The following FLNB variants were observed in gnomAD, a reference collection of about 807,000 sequenced individuals.
The protein encoded by FLNB is filamin-B.
FLNB carries 111 observed loss-of-function variants against 250.6 expected under a neutral mutation model. That is an observed-to-expected ratio of 0.44 (90% CI 0.38 to 0.52). The LOEUF (loss-of-function observed/expected upper bound fraction) is 0.52. Ranked by LOEUF, FLNB falls within the 20% of genes least tolerant of loss-of-function variation. FLNB has a pLI of 0.00. For synonymous variants in FLNB, 1,302 were observed against 1,372.1 expected, an observed-to-expected ratio of 0.95 and a Z score of 1.13; for missense variants, 2,869 against 3,447.8, an observed-to-expected ratio of 0.83 and a Z score of 4.20.
At position 58,111,856 on chromosome 3, in the gene FLNB, A is replaced by C. The variant is rs1298008272; in HGVS notation, c.2550A>C (p.Ala850=). 5 of 1,614,174 alleles carry C rather than the reference A, an allele frequency of 3.1e-6. No homozygotes were observed. The highest frequency in any genetic ancestry group is 4.2e-6 in the Non-Finnish European group (5 of 1,179,984). Reference sequence around the variant, plus strand: ...CCCACGATGCCAGCAAAGTGAAGGCAGAAGGCCCAGGGCTCAGCAAAGCAG... The same window carrying C: ...CCCACGATGCCAGCAAAGTGAAGGCCGAAGGCCCAGGGCTCAGCAAAGCAG... ...DPSHDASKVK[A]EGPGLSKAGV... is the part of the protein sequence containing the mutation. The change falls in exon 17 of 46, where the codon GCA becomes GCC. Residue 850 remains alanine, a synonymous_variant. Coordinates refer to ENST00000295956, the MANE Select transcript of FLNB (RefSeq NM_001457.4).
In FLNB at chr3:58,142,498, C is replaced by T. The variant is rs145155327; in HGVS notation, c.5182-152C>T. On this transcript the variant is annotated intron_variant, in intron 30 of 45. Coordinates refer to ENST00000295956, the MANE Select transcript of FLNB (RefSeq NM_001457.4). This position sits in a 1 kb window ranked among gnomAD's most constrained non-coding sequence, Gnocchi z 4.3. The stretch of plus-strand genomic sequence containing the variant: ...TCAGGTTCTACCCTGGGTCTGGAGC[C>T]ACTTAGACAAAGCCCATACCACAAT... The T allele has an allele frequency of 5.0e-5, 35 of 700,944 alleles. No homozygotes were observed. In the African/African-American group the frequency reaches 6.0e-4, roughly 12 times the overall value. The allele number at this position is 700,944 out of a possible 1,614,324, so 43.4% of individuals were successfully genotyped here.
intron 43 of FLNB, among the ~76,000 whole-genome samples, chr3:58,166,360 C>A (rs1020177180): frequency 1.8e-4 from 27 of 151,502 alleles, no homozygotes; most frequent in African/African-American, 6.6e-4. Flanking sequence ...AAGGCCAAGG[C>A]AGAAAGATTG....
At chr3:58,126,470 T>C in intron 23 of FLNB, 132 bp from the exon 24 acceptor site, 1 of 759,702 alleles carries the variant, frequency 1.3e-6, no homozygotes, top group Non-Finnish European at 2.3e-6. Flanking sequence ...ATTCCCTATG[T>C]GAGAGGTGTA....
intron 1 of FLNB, among the ~76,000 whole-genome samples, chr3:58,037,043 A>T: frequency 6.8e-6 from 1 of 146,254 alleles, no homozygotes; most frequent in Non-Finnish European, 1.5e-5. Context: ...CTGGGCCCAG[A>T]CTTGACATTA....
intron 32 of FLNB, among the ~76,000 whole-genome samples, chr3:58,144,044 C>T (rs2097331753): frequency 6.6e-6 from 1 of 152,140 alleles, no homozygotes; most frequent in Admixed American, 6.5e-5. Context: ...GGAAGCCAGC[C>T]CAGGTTTCAT....
intron 4 of FLNB, among the ~76,000 whole-genome samples, chr3:58,085,876 G>A (rs1234517294): frequency 6.6e-6 from 1 of 152,174 alleles, no homozygotes; most frequent in Non-Finnish European, 1.5e-5. Context: ...TTAGCCACGG[G>A]TGACCAACCC....
intron 1 of FLNB, among the ~76,000 whole-genome samples, chr3:58,051,685 G>GTT (rs761191400): frequency 0.44 from 65,835 of 149,068 alleles, 15,279 homozygotes; most frequent in African/African-American, 0.6. Context: ...GTTTTTTTGG[G>GTT]TTTTTTTTTT....
chr3:58,168,486 G>T lies in FLNB; in HGVS notation c.7245G>T (p.Gly2415=). Residue 2415 remains glycine (G), a synonymous_variant, in exon 44 of 46, where the codon GGG becomes GGT. Coordinates refer to ENST00000295956, the MANE Select transcript of FLNB (RefSeq NM_001457.4). ...TTAACACCACCCGAGCAGGTCCAGGGACATTATCCGTCACCATCGAAGGCC... is the reference window on the plus strand; with the variant it reads ...TTAACACCACCCGAGCAGGTCCAGGTACATTATCCGTCACCATCGAAGGCC... ...FFINTTRAGP[G]TLSVTIEGPS... 6.2e-7 allele frequency: 1 copy of T among 1,614,224 alleles called. No individual in the cohort carries two copies. The highest frequency in any genetic ancestry group is 2.2e-5 in the East Asian group (1 of 44,892).
At chr3:58,039,108 G>A (rs892896451) in intron 1 of FLNB, among the ~76,000 whole-genome samples, 1 of 149,108 alleles carries the variant, frequency 6.7e-6, no homozygotes. Context: ...GCTCACTGCA[G>A]CCTTGACCAC....
intron 1 of FLNB, among the ~76,000 whole-genome samples, chr3:58,053,672 C>A (rs1005928777): frequency 6.6e-6 from 1 of 152,030 alleles, no homozygotes; most frequent in Admixed American, 6.6e-5. Context: ...CTGTGTTAGT[C>A]AGGATGGTCT....
Position 58,138,367 on chromosome 3 carries a change from C to G in FLNB, c.4947C>G (p.Thr1649=). The G allele has an allele frequency of 6.2e-7, 1 of 1,614,236 alleles. No individual in the cohort carries two copies. The highest frequency in any genetic ancestry group is 1.1e-5 in the South Asian group (1 of 91,086). ...AGACTGCCGGGAAGGGTAAAGTGAC[C>G]TGCACGGTTCTGACCCCAGATGGCA... ...DAKTAGKGKV[T]CTVLTPDGTE... Residue 1649 remains threonine (T), a synonymous_variant, in exon 29 of 46, where the codon ACC becomes ACG. Coordinates refer to ENST00000295956, the MANE Select transcript of FLNB (RefSeq NM_001457.4).
chr3:58,095,731 A>C (rs1017988743), intron 5 of FLNB, among the ~76,000 whole-genome samples: 1 of 152,186 alleles, frequency 6.6e-6, no homozygotes, highest in African/African-American at 2.4e-5. Flanking sequence ...TTGCAATTCT[A>C]AGTTTACAGA....
intron 1 of FLNB, among the ~76,000 whole-genome samples, chr3:58,071,818 G>A (rs1256630660): frequency 6.6e-6 from 1 of 152,156 alleles, no homozygotes; most frequent in East Asian, 1.9e-4. Context: ...AATGTAGTAG[G>A]CATACACGTG....
At chr3:58,057,764 G>A (rs1275293714) in intron 1 of FLNB, among the ~76,000 whole-genome samples, 1 of 152,146 alleles carries the variant, frequency 6.6e-6, no homozygotes, top group Non-Finnish European at 1.5e-5. Flanking sequence ...TGGAATCTCA[G>A]ATTTGGATCT....
intron 1 of FLNB, among the ~76,000 whole-genome samples, chr3:58,065,984 G>C (rs1396557080): frequency 1.3e-5 from 2 of 152,136 alleles, no homozygotes; most frequent in Non-Finnish European, 2.9e-5. Context: ...GCTTTAACCT[G>C]AGCCTCTTGG....
rs555198522 is a variant in FLNB, at chr3:58,095,548, G to GC, written c.907-590dup. Among the ~76,000 whole-genome samples, 270 of 152,286 alleles carry GC rather than the reference G, an allele frequency of 1.8e-3. 2 individuals are homozygous for GC. The highest frequency in any genetic ancestry group is 3.4e-4 in the Non-Finnish European group (23 of 68,024). On this transcript the variant is annotated intron_variant, in intron 5 of 45. Coordinates refer to ENST00000295956, the MANE Select transcript of FLNB (RefSeq NM_001457.4). ...TGGGATTACAGGTGTGAGCCACCGT[G>GC]CCCAGCCTCAGTTGAGGTTTTATAT...
intron 17 of FLNB, 24 bp from the exon 18 acceptor site, chr3:58,112,125 T>G: frequency 6.2e-7 from 1 of 1,612,074 alleles, no homozygotes; most frequent in Non-Finnish European, 8.5e-7. Flanking sequence ...GTCTGTCTCC[T>G]CACTTCACAG....
At chr3:58,049,554 G>C (rs1438670042) in intron 1 of FLNB, among the ~76,000 whole-genome samples, 2 of 152,132 alleles carry the variant, frequency 1.3e-5, no homozygotes, top group Admixed American at 6.5e-5. Context: ...CTCCAGTTTT[G>C]GTAATAAATG....
In FLNB at chr3:58,148,347, T is replaced by A. The variant is rs2097339190; in HGVS notation, c.5870T>A (p.Leu1957Gln). ...GRDEPCLLKR[L>Q]PNNHIGISFI... is the part of the protein sequence containing the mutation. ...GACGAGCCCTGTCTCCTGAAGAGGC[T>A]GCCCAACAACCACATTGGTGAGCTA... The change falls in exon 35 of 46, where the codon CTG becomes CAG. Residue 1957 changes from leucine to glutamine, a missense_variant. Leu to Gln is a moderately radical substitution (Grantham distance 113). Transcript: ENST00000295956. 6.2e-7 allele frequency: 1 copy of A among 1,613,850 alleles called. No homozygotes were observed. The highest frequency in any genetic ancestry group is 8.5e-7 in the Non-Finnish European group (1 of 1,179,912).
Sources: gnomAD v4.1 joint callset for allele counts (sites outside exome capture counted in the v4.1 genomes callset) on GRCh38, gnomAD v4.1.1 for gene constraint, Gnocchi (gnomAD v3.1) non-coding constraint, MANE v1.5 for transcripts, NCBI Gene and HGNC (gene_info 2026-07-23, HGNC 2026-07-21) for gene names.